IGF2BP2: variants seen among roughly 807,000 people sequenced by gnomAD.
IGF2BP2 encodes the protein insulin like growth factor 2 mRNA binding protein 2, also known as insulin-like growth factor 2 mRNA-binding protein 2.
A neutral mutation model predicts 75.8 loss-of-function variants in IGF2BP2; 17 were observed. The ratio of observed to expected loss-of-function variants is 0.22; its 90% confidence interval spans 0.15 to 0.34. IGF2BP2 has a LOEUF of 0.34. IGF2BP2 is among the 10% of genes least tolerant of loss of function. The pLI, the probability that IGF2BP2 is intolerant of heterozygous loss-of-function variation, is 1.00. For missense variants in IGF2BP2, 516 were observed against 772.4 expected (o/e 0.67, Z 3.93); for synonymous variants, 288 against 295.6 (o/e 0.97, Z 0.26).
At chr3:185,752,885 C>A (rs188738178) in intron 2 of IGF2BP2, among the ~76,000 whole-genome samples, 98 of 152,254 alleles carry the variant, frequency 6.4e-4, no homozygotes, top group African/African-American at 2.3e-3. Context: ...GCATGAGCCA[C>A]CATGCCAAGC....
intron 2 of IGF2BP2, among the ~76,000 whole-genome samples, chr3:185,734,974 G>A (rs1005272083): frequency 2.6e-5 from 4 of 152,238 alleles, no homozygotes; most frequent in South Asian, 2.1e-4. Flanking sequence ...CGAAGACAGC[G>A]TTGTAACATG....
At chr3:185,683,512 G>C (rs890323220) in intron 7 of IGF2BP2, among the ~76,000 whole-genome samples, 1 of 151,996 alleles carries the variant, frequency 6.6e-6, no homozygotes, top group Non-Finnish European at 1.5e-5. Flanking sequence ...GGGTTCAAGC[G>C]GTTCTCATGC....
intron 12 of IGF2BP2, among the ~76,000 whole-genome samples, chr3:185,655,573 C>T (rs1170171019): frequency 6.6e-6 from 1 of 152,218 alleles, no homozygotes; most frequent in Non-Finnish European, 1.5e-5. Context: ...TCTGGACCTT[C>T]CTAAGCTGTA....
chr3:185,778,038 T>A (rs1734738453), intron 2 of IGF2BP2, among the ~76,000 whole-genome samples: 1 of 151,896 alleles, frequency 6.6e-6, no homozygotes, highest in African/African-American at 2.4e-5. Context: ...AAATCACAAA[T>A]GTGGAGGCTC....
chr3:185,794,698 G>A (rs1413698050), intron 2 of IGF2BP2, among the ~76,000 whole-genome samples: 1 of 150,158 alleles, frequency 6.7e-6, no homozygotes, highest in Non-Finnish European at 1.5e-5. Flanking sequence ...ACAATTTTCA[G>A]GTAAACAGCT....
intron 2 of IGF2BP2, among the ~76,000 whole-genome samples, chr3:185,796,441 T>C (rs1231504868): frequency 6.6e-6 from 1 of 151,492 alleles, no homozygotes; most frequent in Non-Finnish European, 1.5e-5. Flanking sequence ...CATACGCCTG[T>C]AATCCCAGCT....
chr3:185,744,846 G>C (rs1259945038), intron 2 of IGF2BP2, among the ~76,000 whole-genome samples: 1 of 152,154 alleles, frequency 6.6e-6, no homozygotes, highest in Non-Finnish European at 1.5e-5. Context: ...TCCACATTTT[G>C]TATCTTTTTC....
At chr3:185,820,091 G>A (rs927295919) in intron 2 of IGF2BP2, among the ~76,000 whole-genome samples, 3 of 151,886 alleles carry the variant, frequency 2.0e-5, no homozygotes, top group African/African-American at 7.2e-5. Flanking sequence ...TTACTTCCTA[G>A]AGGTGGGCAG....
At chr3:185,756,793 C>T (rs1731680152) in intron 2 of IGF2BP2, among the ~76,000 whole-genome samples, 1 of 152,130 alleles carries the variant, frequency 6.6e-6, no homozygotes, top group South Asian at 2.1e-4. Context: ...GGAAACACAG[C>T]AAAACTCCAT....
At chr3:185,713,041 G>C (rs1412055958) in intron 2 of IGF2BP2, among the ~76,000 whole-genome samples, 1 of 152,050 alleles carries the variant, frequency 6.6e-6, no homozygotes, top group African/African-American at 2.4e-5. Flanking sequence ...GAACAGAATA[G>C]AGGGTGTTGC....
At chr3:185,724,983 A>G (rs1727108287) in intron 2 of IGF2BP2, 1 of 152,240 alleles carries the variant, frequency 6.6e-6, no homozygotes, top group Admixed American at 6.5e-5. Context: ...GAGGAAGAGC[A>G]AGCAACACAT....
chr3:185,726,803 G>A (rs866172427), intron 2 of IGF2BP2, among the ~76,000 whole-genome samples: 1 of 152,194 alleles, frequency 6.6e-6, no homozygotes, highest in Non-Finnish European at 1.5e-5. Flanking sequence ...TAATACAGAA[G>A]AGGCTTGTTT....
At chr3:185,765,939 G>A (rs755856666) in intron 2 of IGF2BP2, among the ~76,000 whole-genome samples, 14 of 152,208 alleles carry the variant, frequency 9.2e-5, no homozygotes, top group Admixed American at 2.0e-4. Context: ...GCAGGTTTAC[G>A]GAGGAGAGTT....
chr3:185,789,549 A>T (rs965561519), intron 2 of IGF2BP2, among the ~76,000 whole-genome samples: 5 of 152,048 alleles, frequency 3.3e-5, no homozygotes, highest in African/African-American at 9.7e-5. Flanking sequence ...TAAGAGATAA[A>T]AGGTGAGGAG....
At chr3:185,661,767 G>T (rs188322495) in intron 10 of IGF2BP2, among the ~76,000 whole-genome samples, 1 of 152,040 alleles carries the variant, frequency 6.6e-6, no homozygotes, top group African/African-American at 2.4e-5. Context: ...GTGTTCTACC[G>T]GGGAGGCAGG....
chr3:185,778,770 C>A (rs894266841), intron 2 of IGF2BP2, among the ~76,000 whole-genome samples: 2 of 152,174 alleles, frequency 1.3e-5, no homozygotes, highest in African/African-American at 4.8e-5. Context: ...CAGAGTCAAC[C>A]AATACATGCT....
intron 2 of IGF2BP2, among the ~76,000 whole-genome samples, chr3:185,774,594 CAA>C (rs10688098): frequency 3.9e-5 from 5 of 128,990 alleles, no homozygotes; most frequent in Non-Finnish European, 3.4e-5. Flanking sequence ...GACTCTGTCT[CAA>C]AAAAAAAAAA....
At chr3:185,795,675 G>C (rs186208773) in intron 2 of IGF2BP2, among the ~76,000 whole-genome samples, 2 of 152,328 alleles carry the variant, frequency 1.3e-5, no homozygotes, top group African/African-American at 4.8e-5. Flanking sequence ...GAGGTCAGGA[G>C]TTCGAGACCA....
chr3:185,729,226 A>G (rs1727800083), intron 2 of IGF2BP2, among the ~76,000 whole-genome samples: 1 of 152,228 alleles, frequency 6.6e-6, no homozygotes, highest in Admixed American at 6.5e-5. Flanking sequence ...TGTCTCAGGA[A>G]AGGCAACTGT....
Sources: allele counts gnomAD v4.1 joint callset (sites outside exome capture counted in the v4.1 genomes callset), GRCh38; gene constraint gnomAD v4.1.1; transcripts MANE v1.5; gene names NCBI Gene and HGNC (gene_info 2026-07-23, HGNC 2026-07-21).